The following RANBP10 variants were observed in gnomAD, a reference collection of about 807,000 sequenced individuals.
RANBP10 encodes the protein RAN binding protein 10, also known as ran-binding protein 10.
In RANBP10, 24 loss-of-function variants were observed where a neutral mutation model predicts 72.8. That is an observed-to-expected ratio of 0.33 (90% CI 0.24 to 0.46). RANBP10 has a LOEUF of 0.46. RANBP10 is among the 20% of genes least tolerant of loss of function. RANBP10 has a pLI of 1.00. For synonymous variants in RANBP10, 310 were observed against 322.3 expected, an observed-to-expected ratio of 0.96 and a Z score of 0.41; for missense variants, 679 against 817.5, an observed-to-expected ratio of 0.83 and a Z score of 2.07.
chr16:67,777,995 A>T (rs1643120746), intron 2 of RANBP10, among the ~76,000 whole-genome samples: 1 of 152,212 alleles, frequency 6.6e-6, no homozygotes, highest in Admixed American at 6.5e-5. Flanking sequence ...AGACCATTAG[A>T]TGGGGAAATG....
intron 2 of RANBP10, among the ~76,000 whole-genome samples, chr16:67,785,256 G>A (rs1319501399): frequency 6.6e-6 from 1 of 150,810 alleles, no homozygotes; most frequent in Non-Finnish European, 1.5e-5. Context: ...AAGAAGGGAG[G>A]GAGGGAAGGA....
chr16:67,737,336 G>A (rs746107593), intron 5 of RANBP10, among the ~76,000 whole-genome samples: 10 of 151,782 alleles, frequency 6.6e-5, no homozygotes, highest in African/African-American at 9.7e-5. Context: ...GAGGAGCTGG[G>A]ACTACAGGCG....
rs2053559995 is a variant in RANBP10, at chr16:67,723,594, A to T, written c.*2834T>A. ...CAGCCACAGACCCATGAGGATGGGG[A>T]TGGGGGTTCTGGCTTGCTATGAGTG... On this transcript the variant is annotated 3_prime_UTR_variant, in exon 14 of 14. Coordinates refer to ENST00000317506, the MANE Select transcript of RANBP10 (RefSeq NM_020850.3). 6.6e-6 allele frequency: 1 copy of T among 152,578 alleles called. No homozygotes were observed. The highest frequency in any genetic ancestry group is 2.4e-5 in the African/African-American group (1 of 41,418). The allele number at this position is 152,578 out of a possible 1,614,324, so 9.5% of individuals were successfully genotyped here. A position where few individuals can be genotyped will look rare whatever the true frequency, so the allele number is the denominator to read the frequency against.
Position 67,756,484 on chromosome 16 carries a change from C to T in RANBP10, c.401-12029G>A, listed in dbSNP as rs918778175. 1.3e-4 allele frequency among the ~76,000 whole-genome samples: 19 copies of T among 151,544 alleles called. 1 individual carries two copies. The highest frequency in any genetic ancestry group is 1.2e-3 in the Admixed American group (19 of 15,246). On this transcript the variant is annotated intron_variant, in intron 3 of 13. Coordinates refer to ENST00000317506, the MANE Select transcript of RANBP10 (RefSeq NM_020850.3). ...CGCCTGTAATCCCAGCACTTTGGGACGCTGAGGCGGGCGTTCAAGACCAGC... is the reference window on the plus strand; with the variant it reads ...CGCCTGTAATCCCAGCACTTTGGGATGCTGAGGCGGGCGTTCAAGACCAGC...
At chr16:67,775,090 T>C (rs2054676659) in intron 2 of RANBP10, among the ~76,000 whole-genome samples, 1 of 152,052 alleles carries the variant, frequency 6.6e-6, no homozygotes, top group Admixed American at 6.6e-5. Flanking sequence ...GGCGGGTGGA[T>C]CACTTGAGGT....
At chr16:67,763,199 G>C (rs2054431054) in intron 3 of RANBP10, among the ~76,000 whole-genome samples, 1 of 152,224 alleles carries the variant, frequency 6.6e-6, no homozygotes, top group African/African-American at 2.4e-5. Context: ...ACAGAGAGGA[G>C]AGCAGAGGCC....
chr16:67,802,530 C>G (rs1457624974), intron 2 of RANBP10, among the ~76,000 whole-genome samples: 1 of 152,074 alleles, frequency 6.6e-6, no homozygotes, highest in Non-Finnish European at 1.5e-5. Context: ...CCCAGCTACT[C>G]GGGAGGCTGA....
intron 2 of RANBP10, among the ~76,000 whole-genome samples, chr16:67,789,757 C>T (rs981020438): frequency 5.3e-5 from 8 of 151,784 alleles, no homozygotes; most frequent in African/African-American, 9.7e-5. Context: ...AGGCATGAGC[C>T]ACCATGCCCA....
At chr16:67,775,708 G>C (rs2054691337) in intron 2 of RANBP10, among the ~76,000 whole-genome samples, 1 of 150,488 alleles carries the variant, frequency 6.6e-6, no homozygotes, top group Admixed American at 6.7e-5. Flanking sequence ...AGAAGACTGA[G>C]GTGGGAAGAT....
intron 2 of RANBP10, among the ~76,000 whole-genome samples, chr16:67,782,077 T>C (rs1330248693): frequency 6.6e-6 from 1 of 152,240 alleles, no homozygotes; most frequent in Non-Finnish European, 1.5e-5. Context: ...CTTTTTCTCT[T>C]TGCTTTTCCA....
At chr16:67,732,858 T>C (rs987133282) in intron 6 of RANBP10, among the ~76,000 whole-genome samples, 1 of 150,356 alleles carries the variant, frequency 6.7e-6, no homozygotes, top group African/African-American at 2.5e-5. Flanking sequence ...CCATCCTGGC[T>C]AATGCGGTGG....
chr16:67,729,909 T>C lies in RANBP10; in HGVS notation c.998+29A>G. ...CCACCAGCTGAGAGGGGCTGGACTC[T>C]GGGGGAGCTGGGGGTGCCCAAGACT... is the stretch of plus-strand genomic sequence containing the variant. On this transcript the variant is annotated intron_variant, in intron 8 of 13. Transcript: ENST00000317506. The surrounding 1 kb of genome is among the most constrained non-coding windows in gnomAD (Gnocchi z 7.1). The C allele has an allele frequency of 6.2e-7, 1 of 1,613,604 alleles. No homozygotes were observed.
intron 2 of RANBP10, among the ~76,000 whole-genome samples, chr16:67,784,830 A>AT (rs945013616): frequency 9.9e-5 from 15 of 151,950 alleles, no homozygotes; most frequent in Non-Finnish European, 2.1e-4. Context: ...AAAAAAAAAA[A>AT]GAAAAAGAAA....
At chr16:67,751,092 C>T (rs922235431) in intron 3 of RANBP10, among the ~76,000 whole-genome samples, 3 of 152,120 alleles carry the variant, frequency 2.0e-5, no homozygotes, top group African/African-American at 7.2e-5. Flanking sequence ...CAGGTTAGAA[C>T]AGTAGATACT....
intron 2 of RANBP10, among the ~76,000 whole-genome samples, chr16:67,775,973 G>A (rs1285721587): frequency 1.3e-5 from 2 of 151,242 alleles, no homozygotes; most frequent in Middle Eastern, 3.4e-3. Context: ...GTGAAACCCC[G>A]TCTCTACTAA....
At chr16:67,737,145 GTTTT>G (rs11325297) in intron 5 of RANBP10, among the ~76,000 whole-genome samples, 1 of 119,914 alleles carries the variant, frequency 8.3e-6, no homozygotes. Flanking sequence ...ATCCTTTTCT[GTTTT>G]TTTTTTTTTT....
chr16:67,734,829 G>A (rs2053808493), intron 6 of RANBP10, 29 bp downstream of exon 6: 2 of 1,523,910 alleles, frequency 1.3e-6, no homozygotes. Flanking sequence ...TGGGGTGGGA[G>A]TGGGTAAGGG....
At chr16:67,764,909 A>C (rs2054468297) in intron 3 of RANBP10, among the ~76,000 whole-genome samples, 1 of 152,212 alleles carries the variant, frequency 6.6e-6, no homozygotes, top group Non-Finnish European at 1.5e-5. Context: ...GAAATCCAAA[A>C]ACAGTCTAGT....
At chr16:67,784,486 G>A (rs989478863) in intron 2 of RANBP10, among the ~76,000 whole-genome samples, 23 of 151,902 alleles carry the variant, frequency 1.5e-4, no homozygotes, top group African/African-American at 5.1e-4. Flanking sequence ...GAGAAACCCC[G>A]TCTCTACTAA....
Sources: allele counts gnomAD v4.1 joint callset (sites outside exome capture counted in the v4.1 genomes callset), GRCh38; gene constraint gnomAD v4.1.1; non-coding constraint Gnocchi (gnomAD v3.1); transcripts MANE v1.5; gene names NCBI Gene and HGNC (gene_info 2026-07-23, HGNC 2026-07-21).